RERE: variants seen among roughly 807,000 people sequenced by gnomAD.
RERE encodes arginine-glutamic acid dipeptide repeats protein.
In RERE, 40 loss-of-function variants were observed where a neutral mutation model predicts 146.1. The ratio of observed to expected loss-of-function variants is 0.27; its 90% CI spans 0.21 to 0.36. The LOEUF (loss-of-function observed/expected upper bound fraction) is 0.36. Ranked by LOEUF, RERE falls within the 10% of genes least tolerant of loss-of-function variation. RERE has a pLI of 1.00. For synonymous variants in RERE, 1,003 were observed against 866.0 expected (o/e 1.16, Z -2.78); for missense variants, 1,933 against 2,138.7 (o/e 0.90, Z 1.90).
At chr1:8,424,378 C>G (rs1570209591) in intron 11 of RERE, 1 of 152,302 alleles carries the variant, frequency 6.6e-6, no homozygotes, top group African/African-American at 2.4e-5. Flanking sequence ...AAGGGCCAGA[C>G]TTAGCCTTTT....
chr1:8,518,654 G>A (rs1220941575), intron 7 of RERE, among the ~76,000 whole-genome samples: 1 of 152,186 alleles, frequency 6.6e-6, no homozygotes, highest in East Asian at 1.9e-4. Context: ...GAGTGAAAGC[G>A]AGGATTAAGA....
chr1:8,642,713 T>C (rs1403427457), intron 2 of RERE, among the ~76,000 whole-genome samples: 1 of 152,192 alleles, frequency 6.6e-6, no homozygotes, highest in Non-Finnish European at 1.5e-5. Flanking sequence ...TCCTTCAATT[T>C]GCAACTTTAA....
chr1:8,791,958 T>G (rs1353149633), intron 1 of RERE, among the ~76,000 whole-genome samples: 1 of 152,160 alleles, frequency 6.6e-6, no homozygotes, highest in African/African-American at 2.4e-5. Context: ...CCGGGCATGA[T>G]AGTTCACACC....
intron 8 of RERE, 121 bp from the exon 9 acceptor site, chr1:8,497,650 G>A (rs1645063188): frequency 2.0e-6 from 2 of 1,016,854 alleles, no homozygotes; most frequent in East Asian, 2.5e-5. Context: ...TTGGACAGCA[G>A]AAAAATAACA....
Position 8,391,551 on chromosome 1 carries a change from G to C in RERE, c.1285-25577C>G, listed in dbSNP as rs184979845. Among the ~76,000 whole-genome samples, 12 of 152,146 alleles carry C rather than the reference G, an allele frequency of 7.9e-5. No homozygotes were observed. The East Asian group carries it at 2.3e-3, about 29-fold the overall frequency. On this transcript the variant is annotated intron_variant, in intron 12 of 22. Coordinates refer to ENST00000400908, the MANE Select transcript of RERE (RefSeq NM_001042681.2). ...GTACAGGCTGATCCCTTGGCCTGGG[G>C]GGCTCTTCTGATTCTATCCTTCCCT... is the stretch of plus-strand genomic sequence containing the variant.
At chr1:8,460,825 A>G (rs1644517322) in intron 11 of RERE, among the ~76,000 whole-genome samples, 1 of 152,240 alleles carries the variant, frequency 6.6e-6, no homozygotes, top group Admixed American at 6.5e-5. Context: ...GATAGGAAGC[A>G]AAGAGTGAGA....
At chr1:8,767,691 T>A (rs1014043266) in intron 1 of RERE, among the ~76,000 whole-genome samples, 1 of 149,132 alleles carries the variant, frequency 6.7e-6, no homozygotes, top group Middle Eastern at 3.3e-3. Flanking sequence ...TTAAAAAAAA[T>A]TAAAAATAGC....
intron 1 of RERE, among the ~76,000 whole-genome samples, chr1:8,704,989 CAT>C (rs1485316579): frequency 2.0e-5 from 3 of 152,188 alleles, no homozygotes; most frequent in Non-Finnish European, 4.4e-5. Context: ...GAGATTACTC[CAT>C]ATATGTCAGA....
At chr1:8,390,781 CT>C in intron 12 of RERE, among the ~76,000 whole-genome samples, 1 of 152,294 alleles carries the variant, frequency 6.6e-6, no homozygotes, top group East Asian at 1.9e-4. Flanking sequence ...TCACTTCTCC[CT>C]CCTAAACTTA....
At chr1:8,359,570 G>A (rs1641465054) in intron 19 of RERE, among the ~76,000 whole-genome samples, 194 bp downstream of exon 19, 1 of 152,212 alleles carries the variant, frequency 6.6e-6, no homozygotes, top group Non-Finnish European at 1.5e-5. Flanking sequence ...GACCTGCCAT[G>A]CGCAGTTACC....
intron 4 of RERE, among the ~76,000 whole-genome samples, chr1:8,568,802 T>C (rs1454859801): frequency 6.6e-6 from 1 of 152,198 alleles, no homozygotes; most frequent in African/African-American, 2.4e-5. Flanking sequence ...GAGTGAGATT[T>C]ATTATTCCCT....
chr1:8,696,396 C>T (rs530921385), intron 1 of RERE, among the ~76,000 whole-genome samples: 12 of 151,882 alleles, frequency 7.9e-5, no homozygotes, highest in Non-Finnish European at 1.3e-4. Context: ...GCAGATCACC[C>T]GAGCTCAAGA....
At chr1:8,531,303 C>T (rs180703909) in intron 7 of RERE, among the ~76,000 whole-genome samples, 1 of 151,876 alleles carries the variant, frequency 6.6e-6, no homozygotes, top group Non-Finnish European at 1.5e-5. Flanking sequence ...ATAAGTCAGG[C>T]GTGATGGCAT....
At chr1:8,443,680 G>T (rs1020457487) in intron 11 of RERE, among the ~76,000 whole-genome samples, 5 of 152,160 alleles carry the variant, frequency 3.3e-5, no homozygotes, top group Non-Finnish European at 7.3e-5. Context: ...AGTTTTCAGG[G>T]CCAGGCATGG....
At chr1:8,542,896 A>G (rs1323439126) in intron 6 of RERE, among the ~76,000 whole-genome samples, 1 of 152,238 alleles carries the variant, frequency 6.6e-6, no homozygotes, top group Non-Finnish European at 1.5e-5. Context: ...AGTTCTATAG[A>G]ATAGAAGCTA....
At chr1:8,480,438 AT>A (rs774790710) in intron 10 of RERE, among the ~76,000 whole-genome samples, 692 of 108,630 alleles carry the variant, frequency 6.4e-3, no homozygotes, top group Middle Eastern at 0.017. Context: ...AGGCCCGGAA[AT>A]TTTTTTTTTT....
chr1:8,638,783 A>ATTTTTTTTTTTTTTTTTTTTTTTTTT (rs34276909), intron 2 of RERE, among the ~76,000 whole-genome samples: 1 of 100,348 alleles, frequency 1.0e-5, no homozygotes, highest in African/African-American at 4.2e-5. Flanking sequence ...ACGAAAAAAA[A>ATTTTTTTTTTTTTTTTTTTTTTTTTT]TTTTTTTTTT....
chr1:8,404,044 T>C (rs1402734598), intron 12 of RERE, among the ~76,000 whole-genome samples: 1 of 151,948 alleles, frequency 6.6e-6, no homozygotes, highest in Non-Finnish European at 1.5e-5. Flanking sequence ...TTGGCCAGGA[T>C]GGTCTCCATC....
chr1:8,438,478 G>C (rs1342388166), intron 11 of RERE, among the ~76,000 whole-genome samples: 1 of 152,174 alleles, frequency 6.6e-6, no homozygotes, highest in Non-Finnish European at 1.5e-5. Flanking sequence ...ACAGCAAAAC[G>C]GAACAGAAGG....
Sources: gnomAD v4.1 joint callset for allele counts (sites outside exome capture counted in the v4.1 genomes callset) on GRCh38, gnomAD v4.1.1 for gene constraint, MANE v1.5 for transcripts, NCBI Gene and HGNC (gene_info 2026-07-23, HGNC 2026-07-21) for gene names.